The following KCNQ3 variants were observed in gnomAD, a reference collection of about 807,000 sequenced individuals.
KCNQ3 encodes the protein potassium voltage-gated channel subfamily KQT member 3.
KCNQ3 carries 30 observed loss-of-function variants against 92.5 expected under a neutral mutation model. That is an observed-to-expected ratio of 0.32 (90% confidence interval 0.24 to 0.44). KCNQ3 has a LOEUF of 0.44. KCNQ3 is among the 20% of genes least tolerant of loss of function. KCNQ3 has a pLI of 1.00. For synonymous variants in KCNQ3, 450 were observed against 468.8 expected (o/e 0.96, Z 0.52); for missense variants, 913 against 1,140.3 (o/e 0.80, Z 2.87).
chr8:132,150,351 T>C (rs944322094), intron 9 of KCNQ3, among the ~76,000 whole-genome samples: 4 of 152,168 alleles, frequency 2.6e-5, no homozygotes, highest in Non-Finnish European at 5.9e-5. Flanking sequence ...GCCTAGGGAA[T>C]TAGTCCTTTC....
intron 1 of KCNQ3, among the ~76,000 whole-genome samples, chr8:132,249,607 T>C (rs1208410229): frequency 2.6e-5 from 4 of 152,224 alleles, no homozygotes; most frequent in African/African-American, 4.8e-5. Context: ...TAGTGGATCC[T>C]GCACCGGGGC....
At chr8:132,347,979 A>T (rs1818747236) in intron 1 of KCNQ3, among the ~76,000 whole-genome samples, 1 of 69,066 alleles carries the variant, frequency 1.4e-5, no homozygotes, top group South Asian at 4.3e-4. Context: ...ACTCCATCTA[A>T]AAAAAAAAAA....
At chr8:132,425,373 G>C (rs916788273) in intron 1 of KCNQ3, among the ~76,000 whole-genome samples, 5 of 152,200 alleles carry the variant, frequency 3.3e-5, no homozygotes, top group Non-Finnish European at 5.9e-5. Context: ...CTTGAGACAA[G>C]TAAATTCTCT....
chr8:132,426,311 A>G (rs1746908485), intron 1 of KCNQ3, among the ~76,000 whole-genome samples: 1 of 152,204 alleles, frequency 6.6e-6, no homozygotes, highest in African/African-American at 2.4e-5. Context: ...CCTACCCATC[A>G]TGACACCGGC....
chr8:132,172,506 CAT>C (rs1826408354), intron 7 of KCNQ3, 90 bp downstream of exon 7: 5 of 1,139,038 alleles, frequency 4.4e-6, no homozygotes, highest in Non-Finnish European at 6.6e-6. Flanking sequence ...GTCCCCTCCA[CAT>C]GTGCACACAT....
rs1305719676 is a variant in KCNQ3, at chr8:132,193,066, T to C, written c.387-6885A>G. ...CCTCCACTGCTCCTCTCCTCTCTTG[T>C]TCCTCCTTCCTCTGCGCCTTGCCCA... On this transcript the variant is annotated intron_variant, in intron 1 of 14. Transcript: ENST00000388996. Among the ~76,000 whole-genome samples the C allele has an allele frequency of 3.3e-5, 5 of 152,200 alleles. No homozygotes were observed. In the East Asian group the frequency reaches 9.6e-4, roughly 29 times the overall value.
intron 1 of KCNQ3, among the ~76,000 whole-genome samples, chr8:132,455,679 T>C (rs1821922337): frequency 6.6e-6 from 1 of 152,252 alleles, no homozygotes; most frequent in Admixed American, 6.5e-5. Flanking sequence ...CACTTGTCCA[T>C]GTGTTCCATC....
chr8:132,161,458 G>A (rs779150531), intron 9 of KCNQ3, among the ~76,000 whole-genome samples: 11 of 151,926 alleles, frequency 7.2e-5, no homozygotes, highest in African/African-American at 1.5e-4. Flanking sequence ...GTGAAACCCC[G>A]TCTCTACTAA....
chr8:132,429,074 C>G (rs1395324231), intron 1 of KCNQ3, among the ~76,000 whole-genome samples: 1 of 152,200 alleles, frequency 6.6e-6, no homozygotes, highest in Non-Finnish European at 1.5e-5. Flanking sequence ...TGAATTAATG[C>G]TTTATATTTT....
At chr8:132,358,845 G>C (rs1819086028) in intron 1 of KCNQ3, among the ~76,000 whole-genome samples, 1 of 152,220 alleles carries the variant, frequency 6.6e-6, no homozygotes, top group Non-Finnish European at 1.5e-5. Context: ...AAAAGGGACT[G>C]TGAGTACCTA....
chr8:132,449,539 C>T (rs1346601533), intron 1 of KCNQ3, among the ~76,000 whole-genome samples: 1 of 152,144 alleles, frequency 6.6e-6, no homozygotes, highest in Non-Finnish European at 1.5e-5. Flanking sequence ...CCTTTTCCCA[C>T]CTCTCTAGAC....
At chr8:132,146,510 G>A (rs568349390) in intron 9 of KCNQ3, among the ~76,000 whole-genome samples, 1 of 152,194 alleles carries the variant, frequency 6.6e-6, no homozygotes, top group South Asian at 2.1e-4. Flanking sequence ...TTGTTTAATA[G>A]AAATGAAGTT....
chr8:132,215,002 C>T (rs942359511), intron 1 of KCNQ3, among the ~76,000 whole-genome samples: 7 of 152,266 alleles, frequency 4.6e-5, no homozygotes, highest in Admixed American at 3.3e-4. Context: ...CATGTGATCA[C>T]TTCCAAATGT....
rs369218719 is a variant in KCNQ3, at chr8:132,453,052, G to A, written c.386+27095C>T. Reference sequence around the variant, plus strand: ...GGTCAGGGAAGCCCCTCCTGGATCCGAAAGAAGCCACTTCATGGGAGTTAA... The same window carrying A: ...GGTCAGGGAAGCCCCTCCTGGATCCAAAAGAAGCCACTTCATGGGAGTTAA... On this transcript the variant is annotated intron_variant, in intron 1 of 14. Transcript: ENST00000388996. Among the ~76,000 whole-genome samples, 74 of 152,264 alleles carry A rather than the reference G, an allele frequency of 4.9e-4. No individual in the cohort carries two copies. In the East Asian group the frequency reaches 0.012, roughly 24 times the overall value.
At chr8:132,250,927 A>C (rs1815387253) in intron 1 of KCNQ3, among the ~76,000 whole-genome samples, 1 of 152,222 alleles carries the variant, frequency 6.6e-6, no homozygotes, top group South Asian at 2.1e-4. Context: ...CCAGTAGTCA[A>C]AGATCGACCT....
intron 1 of KCNQ3, among the ~76,000 whole-genome samples, chr8:132,290,812 G>A (rs1476847964): frequency 2.0e-5 from 3 of 152,138 alleles, no homozygotes; most frequent in Non-Finnish European, 2.9e-5. Flanking sequence ...TTCAGGCAGG[G>A]AGCAGACACA....
At chr8:132,343,395 C>T (rs1052397035) in intron 1 of KCNQ3, among the ~76,000 whole-genome samples, 1 of 152,130 alleles carries the variant, frequency 6.6e-6, no homozygotes, top group African/African-American at 2.4e-5. Flanking sequence ...GAAACCAGTG[C>T]CCAGGCCTAA....
At chr8:132,345,270 C>CGTGGTGGAT (rs1818652188) in intron 1 of KCNQ3, among the ~76,000 whole-genome samples, 1 of 152,198 alleles carries the variant, frequency 6.6e-6, no homozygotes, top group Admixed American at 6.5e-5. Context: ...CCACACCCAT[C>CGTGGTGGAT]CTGCCTTCCT....
At chr8:132,269,833 T>G in intron 1 of KCNQ3, among the ~76,000 whole-genome samples, 1 of 152,168 alleles carries the variant, frequency 6.6e-6, no homozygotes, top group African/African-American at 2.4e-5. Context: ...AACCAGACTT[T>G]GTTCAAGAGC....
Sources: allele counts gnomAD v4.1 joint callset (sites outside exome capture counted in the v4.1 genomes callset), GRCh38; gene constraint gnomAD v4.1.1; transcripts MANE v1.5; gene names NCBI Gene and HGNC (gene_info 2026-07-23, HGNC 2026-07-21).